The following KIF13B variants were observed in gnomAD, a reference collection of about 807,000 sequenced individuals.
The protein encoded by KIF13B is kinesin family member 13B.
Under a neutral mutation model 222.0 loss-of-function variants are expected in KIF13B, and 127 were observed. The observed-to-expected ratio is 0.57, with a 90% CI of 0.50 to 0.66. The LOEUF (loss-of-function observed/expected upper bound fraction) is 0.66. Ranked by LOEUF, KIF13B falls within the 30% of genes least tolerant of loss-of-function variation. KIF13B has a pLI of 0.00. For synonymous variants in KIF13B, 976 were observed against 919.0 expected (o/e 1.06, Z -1.12); for missense variants, 2,173 against 2,379.0 (o/e 0.91, Z 1.80).
chr8:29,145,096 G>T (rs1350791735), intron 18 of KIF13B, among the ~76,000 whole-genome samples: 4 of 152,152 alleles, frequency 2.6e-5, no homozygotes, highest in Non-Finnish European at 5.9e-5. Flanking sequence ...CCTTGTGACT[G>T]GCCTTCCTCT....
chr8:29,117,430 A>G (rs1446799345), intron 30 of KIF13B, among the ~76,000 whole-genome samples: 2 of 152,202 alleles, frequency 1.3e-5, no homozygotes, highest in African/African-American at 2.4e-5. Context: ...GAAATTTAAC[A>G]GGAATACACT....
At chr8:29,239,038 AAAAC>A (rs755774718) in intron 2 of KIF13B, among the ~76,000 whole-genome samples, 8 of 152,178 alleles carry the variant, frequency 5.3e-5, no homozygotes, top group Non-Finnish European at 1.2e-4. Flanking sequence ...ACCCTGTCTC[AAAAC>A]AAACAAACAT....
chr8:29,109,851 G>A, intron 33 of KIF13B, 67 bp downstream of exon 33: 2 of 1,471,602 alleles, frequency 1.4e-6, no homozygotes, highest in African/African-American at 1.4e-5. Context: ...GTGAATTACA[G>A]AGTCAAACAC....
intron 2 of KIF13B, among the ~76,000 whole-genome samples, chr8:29,232,338 A>G (rs1456901299): frequency 1.3e-5 from 2 of 150,106 alleles, no homozygotes; most frequent in East Asian, 3.9e-4. Context: ...TTGGGAAACC[A>G]AGATGGGAGG....
intron 35 of KIF13B, among the ~76,000 whole-genome samples, chr8:29,104,412 C>T (rs555101164): frequency 8.5e-5 from 13 of 152,258 alleles, no homozygotes; most frequent in African/African-American, 2.6e-4. Flanking sequence ...CTGTGTCTCT[C>T]GTCATCTCTC....
intron 8 of KIF13B, among the ~76,000 whole-genome samples, chr8:29,177,926 AAGC>A (rs1012268612): frequency 1.3e-5 from 2 of 152,054 alleles, no homozygotes; most frequent in African/African-American, 2.4e-5. Context: ...ACAATACAAA[AAGC>A]AGTTCTGTCA....
Position 29,167,377 on chromosome 8 carries a change from G to C in KIF13B, c.1154C>G (p.Ala385Gly), listed in dbSNP as rs2130166350. The change falls in exon 11 of 40, where the codon GCA (alanine) becomes GGA (glycine). Residue 385 changes from alanine to glycine, a missense_variant. By Grantham distance (60) the Ala-to-Gly change is moderately conservative. Coordinates refer to ENST00000524189, the MANE Select transcript of KIF13B (RefSeq NM_015254.4). ...GCACGCGGTGGTGCCTCCTACCTCTGCTTTGGTCAGCTGCTCCCGGAGTTT... is the reference window on the plus strand; with the variant it reads ...GCACGCGGTGGTGCCTCCTACCTCTCCTTTGGTCAGCTGCTCCCGGAGTTT... ...VEKLREQLTK[A>G]EAMKSPELKD... 6.2e-7 allele frequency: 1 copy of C among 1,611,818 alleles called. No homozygotes were observed. The highest frequency in any genetic ancestry group is 2.1e-4 in the Middle Eastern group (1 of 4,872).
At chr8:29,224,490 A>G (rs1328238292) in intron 2 of KIF13B, among the ~76,000 whole-genome samples, 2 of 152,248 alleles carry the variant, frequency 1.3e-5, no homozygotes, top group East Asian at 3.8e-4. Flanking sequence ...AGATATTTGT[A>G]ACAATGAGAA....
At chr8:29,124,986 G>T (rs2129764621) in intron 26 of KIF13B, among the ~76,000 whole-genome samples, 1 of 152,178 alleles carries the variant, frequency 6.6e-6, no homozygotes, top group Non-Finnish European at 1.5e-5. Flanking sequence ...AGAGGCAGAG[G>T]TTGCAATGAG....
chr8:29,263,113 G>C, upstream of KIF13B: 1 of 1,403,902 alleles, frequency 7.1e-7, no homozygotes, highest in African/African-American at 1.5e-5. Flanking sequence ...CCGGCGGGAG[G>C]GGGCCGGGGG....
chr8:29,129,328 G>A (rs1810247969), intron 24 of KIF13B, among the ~76,000 whole-genome samples: 2 of 152,020 alleles, frequency 1.3e-5, no homozygotes, highest in African/African-American at 2.4e-5. Flanking sequence ...TTTAACAGAC[G>A]CCCAGAAAAA....
intron 2 of KIF13B, among the ~76,000 whole-genome samples, chr8:29,241,923 T>C (rs1815800421): frequency 1.3e-5 from 2 of 152,120 alleles, no homozygotes; most frequent in Admixed American, 6.5e-5. Context: ...AACTAGTCAC[T>C]AGCTTAAACT....
At chr8:29,101,492 C>T (rs1808782975) in intron 35 of KIF13B, among the ~76,000 whole-genome samples, 1 of 152,194 alleles carries the variant, frequency 6.6e-6, no homozygotes, top group Admixed American at 6.5e-5. Context: ...GCCACCTCTT[C>T]CCCAAGGCAC....
chr8:29,184,784 G>A (rs1327863579), intron 6 of KIF13B, among the ~76,000 whole-genome samples: 1 of 152,114 alleles, frequency 6.6e-6, no homozygotes, highest in East Asian at 1.9e-4. Context: ...AAGAATTTCT[G>A]GAAAGAGTAG....
chr8:29,225,675 G>A (rs577514202), intron 2 of KIF13B, among the ~76,000 whole-genome samples: 1 of 152,320 alleles, frequency 6.6e-6, no homozygotes, highest in South Asian at 2.1e-4. Context: ...TCCTGTGTCT[G>A]GCTGGATCGA....
chr8:29,091,386 C>T (rs1808293660), intron 37 of KIF13B, among the ~76,000 whole-genome samples: 2 of 152,176 alleles, frequency 1.3e-5, no homozygotes, highest in African/African-American at 4.8e-5. Flanking sequence ...TGACTTCCAA[C>T]GTGATTCCAA....
At chr8:29,146,627 T>C (rs1489650596) in intron 17 of KIF13B, 87 bp from the exon 18 acceptor site, 2 of 1,209,582 alleles carry the variant, frequency 1.7e-6, no homozygotes, top group South Asian at 1.4e-5. Flanking sequence ...TAGTACATCA[T>C]TGCCAAAGTG....
At chr8:29,241,207 T>G (rs1815762803) in intron 2 of KIF13B, among the ~76,000 whole-genome samples, 1 of 152,220 alleles carries the variant, frequency 6.6e-6, no homozygotes, top group Non-Finnish European at 1.5e-5. Context: ...ACATCATGTA[T>G]GATTTCATTT....
At chr8:29,126,956 G>A (rs1026776021) in intron 25 of KIF13B, among the ~76,000 whole-genome samples, 166 bp downstream of exon 25, 2 of 152,134 alleles carry the variant, frequency 1.3e-5, no homozygotes, top group Admixed American at 6.5e-5. Context: ...AATACAGTCC[G>A]ATGCAGTGAT....
Sources: gnomAD v4.1 joint callset for allele counts (sites outside exome capture counted in the v4.1 genomes callset) on GRCh38, gnomAD v4.1.1 for gene constraint, MANE v1.5 for transcripts, NCBI Gene and HGNC (gene_info 2026-07-23, HGNC 2026-07-21) for gene names.